Variants in PCLO observed in about 807,000 individuals in gnomAD.
PCLO encodes piccolo presynaptic cytomatrix protein.
Under a neutral mutation model 427.5 loss-of-function variants are expected in PCLO, and 82 were observed. The ratio of observed to expected loss-of-function variants is 0.19; its 90% CI spans 0.16 to 0.23. The LOEUF is 0.23. Among genes scored for constraint, PCLO ranks in the 10% least tolerant of loss-of-function variants. PCLO has a pLI of 1.00. For missense variants in PCLO, 6,239 were observed against 6,115.9 expected (o/e 1.02, Z -0.67); for synonymous variants, 2,357 against 2,155.4 (o/e 1.09, Z -2.59).
chr7:82,868,492 C>A (rs893899575), intron 10 of PCLO, among the ~76,000 whole-genome samples: 32 of 152,324 alleles, frequency 2.1e-4, no homozygotes, highest in African/African-American at 7.7e-4. Flanking sequence ...GAAGAGCAAG[C>A]TAGCTGGACC....
intron 9 of PCLO, among the ~76,000 whole-genome samples, chr7:82,889,057 A>T (rs986026580): frequency 4.0e-5 from 6 of 151,482 alleles, no homozygotes; most frequent in Non-Finnish European, 4.4e-5. Context: ...AGTCTGAGGA[A>T]CTATTCAGCG....
At chr7:82,967,197 C>CTTTTTTTTTTTTTTT (rs766172385) in intron 3 of PCLO, among the ~76,000 whole-genome samples, 1 of 133,186 alleles carries the variant, frequency 7.5e-6, no homozygotes, top group African/African-American at 2.7e-5. Context: ...TTCTTCTTTT[C>CTTTTTTTTTTTTTTT]TTTTTTTTTT....
At chr7:82,989,153 A>C (rs1796321044) in intron 3 of PCLO, among the ~76,000 whole-genome samples, 1 of 152,016 alleles carries the variant, frequency 6.6e-6, no homozygotes, top group Non-Finnish European at 1.5e-5. Context: ...CCACATGTAG[A>C]TCTTTCTAAA....
chr7:82,799,896 G>A (rs1248352078), intron 22 of PCLO, among the ~76,000 whole-genome samples: 2 of 152,094 alleles, frequency 1.3e-5, no homozygotes, highest in African/African-American at 4.8e-5. Context: ...TCTTTCACGA[G>A]TATATCATCA....
At chr7:82,993,446 G>A (rs898148893) in intron 3 of PCLO, among the ~76,000 whole-genome samples, 6 of 151,990 alleles carry the variant, frequency 3.9e-5, no homozygotes, top group Admixed American at 6.6e-5. Flanking sequence ...AAAAAGCCCT[G>A]AATTTGAATT....
At chr7:82,909,223 A>G (rs1021484906) in intron 7 of PCLO, among the ~76,000 whole-genome samples, 1 of 152,168 alleles carries the variant, frequency 6.6e-6, no homozygotes, top group African/African-American at 2.4e-5. Flanking sequence ...AATAGCCTAG[A>G]AAAAATGATG....
intron 3 of PCLO, among the ~76,000 whole-genome samples, chr7:83,075,991 A>G (rs1267415933): frequency 1.3e-5 from 2 of 152,008 alleles, no homozygotes; most frequent in Non-Finnish European, 2.9e-5. Context: ...AATATAATAA[A>G]CCATAATTTT....
At chr7:82,972,402 G>T (rs1370946395) in intron 3 of PCLO, among the ~76,000 whole-genome samples, 1 of 151,968 alleles carries the variant, frequency 6.6e-6, no homozygotes, top group Non-Finnish European at 1.5e-5. Context: ...GAGAATCTCA[G>T]AACTTCAGGG....
At chr7:83,154,717 G>T in intron 2 of PCLO, 31 bp downstream of exon 2, 2 of 1,470,896 alleles carry the variant, frequency 1.4e-6, no homozygotes, top group South Asian at 1.1e-5. Flanking sequence ...TATGGCTGAA[G>T]AGTATGGACT....
At chr7:82,800,486 G>A (rs1791323437) in intron 22 of PCLO, among the ~76,000 whole-genome samples, 1 of 152,102 alleles carries the variant, frequency 6.6e-6, no homozygotes, top group African/African-American at 2.4e-5. Context: ...GTAATTGTAA[G>A]AATTAAATGA....
chr7:82,836,363 A>G (rs1217191199), intron 15 of PCLO, among the ~76,000 whole-genome samples: 1 of 152,150 alleles, frequency 6.6e-6, no homozygotes, highest in East Asian at 1.9e-4. Flanking sequence ...TTGAAGGTCT[A>G]ATAAATCAAA....
chr7:82,999,347 A>AAT (rs1787720945), intron 3 of PCLO, among the ~76,000 whole-genome samples: 1 of 138,008 alleles, frequency 7.2e-6, no homozygotes, highest in Non-Finnish European at 1.5e-5. Flanking sequence ...ATATATATTT[A>AAT]ATATATATAC....
In PCLO at chr7:83,131,869, T is replaced by A. The variant is rs144506483; in HGVS notation, c.3300+2381A>T. ...TTTATTAGTAGGAACACTGACATTG[T>A]ACCATGAATTACACCTGTTAATAGT... On this transcript the variant is annotated intron_variant, in intron 3 of 24. Transcript: ENST00000333891. Among the ~76,000 whole-genome samples, 1,229 of 152,266 alleles carry A rather than the reference T, an allele frequency of 8.1e-3. 11 individuals carry two copies. Among genetic ancestry groups the A allele is most frequent in the Middle Eastern group, 0.014 (4 of 292 alleles).
At chr7:83,063,817 C>T (rs1028014074) in intron 3 of PCLO, among the ~76,000 whole-genome samples, 4 of 152,090 alleles carry the variant, frequency 2.6e-5, no homozygotes, top group African/African-American at 9.6e-5. Flanking sequence ...TCTGTCCCTA[C>T]CTTGAGGTTG....
chr7:83,154,703 A>G (rs745822227), intron 2 of PCLO, 45 bp downstream of exon 2: 1 of 1,363,976 alleles, frequency 7.3e-7, no homozygotes, highest in South Asian at 1.2e-5. Flanking sequence ...GTATAAGAGG[A>G]TGATATGGCT....
At chr7:82,994,547 C>A (rs1389205800) in intron 3 of PCLO, among the ~76,000 whole-genome samples, 1 of 151,440 alleles carries the variant, frequency 6.6e-6, no homozygotes, top group African/African-American at 2.4e-5. Flanking sequence ...CAGTTTTTGA[C>A]GAATAAATGA....
At chr7:82,807,464 T>C (rs1318316090) in intron 20 of PCLO, among the ~76,000 whole-genome samples, 1 of 152,138 alleles carries the variant, frequency 6.6e-6, no homozygotes, top group Non-Finnish European at 1.5e-5. Flanking sequence ...CAATTATTCT[T>C]AATCTGGTGG....
At position 82,958,593 on chromosome 7, in the gene PCLO, T is replaced by A. The variant is rs1012774857; in HGVS notation, c.4018-1658A>T. On this transcript the variant is annotated intron_variant, in intron 4 of 24. Transcript: ENST00000333891. ...CAATTAAAAAAGACAGTGTGATATA[T>A]TCTTAACAACTTTAGTGCAAAAACT... Among the ~76,000 whole-genome samples the A allele has an allele frequency of 8.5e-5, 13 of 152,312 alleles. No individual in the cohort carries two copies. The East Asian group carries it at 2.5e-3, about 29-fold the overall frequency.
chr7:82,902,609 CAAAAA>C, intron 9 of PCLO, 37 bp downstream of exon 9: 13 of 1,205,926 alleles, frequency 1.1e-5, no homozygotes, highest in Non-Finnish European at 1.5e-5. Flanking sequence ...CAAAACAAAA[CAAAAA>C]AACAAAAAAA....
Sources: gnomAD v4.1 joint callset for allele counts (sites outside exome capture counted in the v4.1 genomes callset) on GRCh38, gnomAD v4.1.1 for gene constraint, MANE v1.5 for transcripts, NCBI Gene and HGNC (gene_info 2026-07-23, HGNC 2026-07-21) for gene names.